PREX2: variants seen among roughly 807,000 people sequenced by gnomAD.
PREX2 encodes the protein phosphatidylinositol-3,4,5-trisphosphate dependent Rac exchange factor 2.
PREX2 carries 107 observed loss-of-function variants against 203.2 expected under a neutral mutation model. The observed-to-expected ratio is 0.53, with a 90% CI of 0.45 to 0.62. The LOEUF (loss-of-function observed/expected upper bound fraction) is 0.62. Among genes scored for constraint, PREX2 ranks in the 20% least tolerant of loss-of-function variants. The probability of loss-of-function intolerance (pLI) is 0.00; values close to 1 mark genes in which losing one functional copy is unlikely to be tolerated. For missense variants in PREX2, 1,777 were observed against 1,955.9 expected (o/e 0.91, Z 1.72); for synonymous variants, 672 against 663.6 (o/e 1.01, Z -0.19).
chr8:67,974,494 C>T (rs1250266464), intron 1 of PREX2, among the ~76,000 whole-genome samples: 2 of 151,958 alleles, frequency 1.3e-5, no homozygotes, highest in South Asian at 2.1e-4. Flanking sequence ...AAAATCCTAC[C>T]TAGAAATATG....
At position 68,220,604 on chromosome 8, in the gene PREX2, C is replaced by T. The variant is rs545567870; in HGVS notation, c.4707+2886C>T. Among the ~76,000 whole-genome samples, 6 of 152,186 alleles carry T rather than the reference C, an allele frequency of 3.9e-5. No individual in the cohort carries two copies. In the South Asian group the frequency reaches 6.2e-4, roughly 16 times the overall value. ...CATCCAAAGGAAAATCACCATGCCA[C>T]GGGCACAAGCAAGCAAGTTTCTCCA... On this transcript the variant is annotated intron_variant, in intron 38 of 39. Coordinates refer to ENST00000288368, the MANE Select transcript of PREX2 (RefSeq NM_024870.4).
chr8:67,987,728 G>A (rs1806476063), intron 1 of PREX2, among the ~76,000 whole-genome samples: 1 of 152,152 alleles, frequency 6.6e-6, no homozygotes, highest in Non-Finnish European at 1.5e-5. Context: ...AGCCGTTCTC[G>A]GTCTGTAATG....
rs1392479656 is a variant in PREX2 at position 67,970,469 on chromosome 8, C to G, written c.141+17934C>G. Among the ~76,000 whole-genome samples the G allele has an allele frequency of 2.0e-5, 3 of 152,072 alleles. No individual in the cohort carries two copies. In the East Asian group the frequency reaches 5.8e-4, roughly 29 times the overall value. On this transcript the variant is annotated intron_variant, in intron 1 of 39. Transcript: ENST00000288368. ...ATACCCCTAATCTATTTTTATGGTC[C>G]TATGTCTCTGATGGAACTAATTTTC...
Position 68,099,029 on chromosome 8 carries a change from A to G in PREX2, c.2554-653A>G, listed in dbSNP as rs1810181584. ...GGAAATTCTTAGTGATTGATGGTAC[A>G]CCTTCCCCATCAACACATATTATTA... is the stretch of plus-strand genomic sequence containing the variant. On this transcript the variant is annotated intron_variant, in intron 22 of 39. Transcript: ENST00000288368. Among the ~76,000 whole-genome samples the G allele has an allele frequency of 5.4e-5, 8 of 148,112 alleles. No individual in the cohort carries two copies. The Admixed American group carries it at 5.4e-4, about 10-fold the overall frequency.
chr8:68,099,601 C>T, intron 22 of PREX2, 81 bp from the exon 23 acceptor site: 1 of 1,363,610 alleles, frequency 7.3e-7, no homozygotes, highest in Non-Finnish European at 1.0e-6. Context: ...AGTTTTTCTT[C>T]TTGTTTCGTT....
intron 1 of PREX2, among the ~76,000 whole-genome samples, chr8:67,967,202 A>G (rs1385238994): frequency 1.3e-5 from 2 of 152,200 alleles, no homozygotes; most frequent in African/African-American, 4.8e-5. Flanking sequence ...TCTTCAGTGT[A>G]GTGATAATTC....
chr8:68,108,066 T>C (rs1313573351), intron 23 of PREX2, 43 bp from the exon 24 acceptor site: 2 of 1,349,452 alleles, frequency 1.5e-6, no homozygotes, highest in Non-Finnish European at 2.1e-6. Context: ...CCTGAGTTAT[T>C]ACTGTGTGTT....
chr8:68,217,767 T>C (rs2129615304), intron 38 of PREX2, 49 bp downstream of exon 38: 1 of 1,329,018 alleles, frequency 7.5e-7, no homozygotes, highest in Non-Finnish European at 1.1e-6. Flanking sequence ...GCCCTGGACT[T>C]GAAGATTCCT....
chr8:68,133,498 C>T (rs1264005359), intron 31 of PREX2, among the ~76,000 whole-genome samples: 1 of 152,158 alleles, frequency 6.6e-6, no homozygotes, highest in African/African-American at 2.4e-5. Flanking sequence ...ATACTTATAG[C>T]TCATGAAATT....
chr8:67,987,016 G>A (rs770194983), intron 1 of PREX2, among the ~76,000 whole-genome samples: 1 of 151,672 alleles, frequency 6.6e-6, no homozygotes, highest in Admixed American at 6.6e-5. Flanking sequence ...AGCCGGGCAC[G>A]GTGTCAGGTG....
Position 68,017,826 on chromosome 8 carries a change from T to C in PREX2, c.142-20T>C, listed in dbSNP as rs1807448874. 3.1e-6 allele frequency: 5 copies of C among 1,604,238 alleles called. No individual in the cohort carries two copies. In the Admixed American group the frequency reaches 5.0e-5, roughly 16 times the overall value. Reference sequence around the variant, plus strand: ...TATTAACCTAATGTTACCTTCATAATGTCTTCTTGTTTCATGCAGGCATTC... The same window carrying C: ...TATTAACCTAATGTTACCTTCATAACGTCTTCTTGTTTCATGCAGGCATTC... On this transcript the variant is annotated intron_variant, in intron 1 of 39. Transcript: ENST00000288368.
chr8:68,191,279 A>G (rs910436046), intron 35 of PREX2, among the ~76,000 whole-genome samples: 2 of 152,218 alleles, frequency 1.3e-5, no homozygotes, highest in Non-Finnish European at 2.9e-5. Flanking sequence ...CTTTCTCACA[A>G]TAAATGAAAA....
At chr8:68,002,167 A>G (rs1398601780) in intron 1 of PREX2, among the ~76,000 whole-genome samples, 2 of 85,012 alleles carry the variant, frequency 2.4e-5, no homozygotes, top group Non-Finnish European at 5.0e-5. Context: ...TTTTTTTTTG[A>G]GGTGGAGTCT....
chr8:68,136,715 A>C (rs1049801420), intron 32 of PREX2, among the ~76,000 whole-genome samples: 1 of 152,138 alleles, frequency 6.6e-6, no homozygotes, highest in Admixed American at 6.5e-5. Flanking sequence ...CTTACTGTGT[A>C]CTGTGCACTA....
intron 33 of PREX2, among the ~76,000 whole-genome samples, chr8:68,145,283 A>G (rs1039856342): frequency 1.3e-5 from 2 of 152,180 alleles, no homozygotes; most frequent in Non-Finnish European, 2.9e-5. Flanking sequence ...AAGGAGATAA[A>G]TAGATGTTAA....
At chr8:68,175,204 G>T (rs1162571605) in intron 35 of PREX2, among the ~76,000 whole-genome samples, 1 of 152,168 alleles carries the variant, frequency 6.6e-6, no homozygotes, top group Non-Finnish European at 1.5e-5. Flanking sequence ...GAGCAGTGGA[G>T]AAGCTGTTTC....
chr8:67,974,328 A>G (rs1020155232), intron 1 of PREX2, among the ~76,000 whole-genome samples: 1 of 152,216 alleles, frequency 6.6e-6, no homozygotes, highest in Admixed American at 6.5e-5. Flanking sequence ...CCATGAAAAA[A>G]GAAAAGAGAG....
chr8:68,077,346 A>G, intron 14 of PREX2, 51 bp from the exon 15 acceptor site: 1 of 1,336,766 alleles, frequency 7.5e-7, no homozygotes, highest in South Asian at 1.2e-5. Flanking sequence ...CAAAGCTGCC[A>G]CAAAGCCTTT....
intron 32 of PREX2, 40 bp from the exon 33 acceptor site, chr8:68,138,375 A>G (rs774009737): frequency 1.8e-6 from 2 of 1,092,722 alleles, no homozygotes; most frequent in Non-Finnish European, 1.3e-6. Flanking sequence ...ATATTGCTTT[A>G]TATCATCTTG....
Sources: allele counts gnomAD v4.1 joint callset (sites outside exome capture counted in the v4.1 genomes callset), GRCh38; gene constraint gnomAD v4.1.1; transcripts MANE v1.5; gene names NCBI Gene and HGNC (gene_info 2026-07-23, HGNC 2026-07-21).